Variants in SNAP25 observed in about 807,000 individuals in gnomAD.
SNAP25 encodes synaptosomal-associated protein 25.
In SNAP25, 3 loss-of-function variants were observed where a neutral mutation model predicts 28.7. The observed-to-expected ratio is 0.10, with a 90% CI of 0.05 to 0.27. The LOEUF (loss-of-function observed/expected upper bound fraction) is 0.27, where lower values mean the gene tolerates loss of function less well. SNAP25 is among the 10% of genes least tolerant of loss of function. The probability of loss-of-function intolerance (pLI) is 1.00; values close to 1 mark genes in which losing one functional copy is unlikely to be tolerated. For synonymous variants in SNAP25, 61 were observed against 88.1 expected (o/e 0.69, Z 1.72); for missense variants, 117 against 278.7 (o/e 0.42, Z 4.13).
At chr20:10,241,229 G>C (rs1296500253) in intron 1 of SNAP25, among the ~76,000 whole-genome samples, 1 of 152,156 alleles carries the variant, frequency 6.6e-6, no homozygotes, top group East Asian at 1.9e-4. Flanking sequence ...GGCAGCATCT[G>C]TGTTCTGTGA....
intron 1 of SNAP25, among the ~76,000 whole-genome samples, chr20:10,260,487 T>C (rs2063391435): frequency 6.6e-6 from 1 of 151,850 alleles, no homozygotes; most frequent in Non-Finnish European, 1.5e-5. Flanking sequence ...GTGCATTCCC[T>C]GAACCACCAC....
At chr20:10,230,331 G>A (rs2062807029) in intron 1 of SNAP25, among the ~76,000 whole-genome samples, 1 of 152,100 alleles carries the variant, frequency 6.6e-6, no homozygotes, top group Admixed American at 6.5e-5. Context: ...CCATTTTGTG[G>A]GACAAAGTAG....
At chr20:10,246,704 G>A (rs1417461085) in intron 1 of SNAP25, among the ~76,000 whole-genome samples, 1 of 152,140 alleles carries the variant, frequency 6.6e-6, no homozygotes, top group East Asian at 1.9e-4. Context: ...AGAAAGAATA[G>A]ATGTGCCCTT....
chr20:10,236,612 T>C (rs1019354512), intron 1 of SNAP25, among the ~76,000 whole-genome samples: 34 of 152,044 alleles, frequency 2.2e-4, no homozygotes, highest in African/African-American at 8.0e-4. Flanking sequence ...CTCTGCCCAA[T>C]GAGCACTTTG....
intron 3 of SNAP25, among the ~76,000 whole-genome samples, chr20:10,282,089 C>T (rs1404018734): frequency 6.6e-6 from 1 of 150,592 alleles, no homozygotes; most frequent in African/African-American, 2.4e-5. Context: ...TTTGTCTACC[C>T]GTTATCCTTA....
chr20:10,289,235 GC>G (rs2063946456), intron 4 of SNAP25, among the ~76,000 whole-genome samples: 1 of 152,154 alleles, frequency 6.6e-6, no homozygotes, highest in Non-Finnish European at 1.5e-5. Context: ...AACGTACTGA[GC>G]CCTGGAACTT....
chr20:10,250,287 C>G (rs2063203114), intron 1 of SNAP25, among the ~76,000 whole-genome samples: 1 of 152,218 alleles, frequency 6.6e-6, no homozygotes, highest in Admixed American at 6.5e-5. Flanking sequence ...CAGGGCATTT[C>G]TGAAAGAGCT....
rs767015441 is a variant in SNAP25, at chr20:10,275,468, G to A, written c.-24G>A. On this transcript the variant is annotated 5_prime_UTR_variant, in exon 2 of 8. Transcript: ENST00000254976. ...CCGTCACTGACCCCCCAGCCCAGGC[G>A]CCCAGCCACTCCCCACCGCTACCAT... The A allele has an allele frequency of 3.2e-5, 50 of 1,586,414 alleles. No homozygotes were observed. In the East Asian group the frequency reaches 3.4e-4, roughly 11 times the overall value.
chr20:10,258,327 T>C (rs2063355765), intron 1 of SNAP25, among the ~76,000 whole-genome samples: 1 of 152,218 alleles, frequency 6.6e-6, no homozygotes, highest in Admixed American at 6.5e-5. Context: ...GGCTCTCTCA[T>C]TAATGAGTTA....
In SNAP25 at chr20:10,303,194, T is replaced by C. The variant is rs2064280199; in HGVS notation, c.553-2935T>C. Among the ~76,000 whole-genome samples the C allele has an allele frequency of 2.6e-5, 4 of 152,330 alleles. No individual in the cohort carries two copies. In the South Asian group the frequency reaches 8.3e-4, roughly 32 times the overall value. On this transcript the variant is annotated intron_variant, in intron 7 of 7. Coordinates refer to ENST00000254976, the MANE Select transcript of SNAP25 (RefSeq NM_130811.4). Reference sequence around the variant, plus strand: ...TCCTTTGCACTGAAGTGTCATTATTTCTGATACCATTTGTAGCTGGAAAGG... The same window carrying C: ...TCCTTTGCACTGAAGTGTCATTATTCCTGATACCATTTGTAGCTGGAAAGG...
chr20:10,300,467 T>A lies in SNAP25; in HGVS notation c.552+1055T>A, dbSNP rs569096692. On this transcript the variant is annotated intron_variant, in intron 7 of 7. Transcript: ENST00000254976. ...CAATGTGGGTAACTTATGTTGTGTGTTTATTCCCTGGGAGACGTTGAAGTT... is the reference window on the plus strand; with the variant it reads ...CAATGTGGGTAACTTATGTTGTGTGATTATTCCCTGGGAGACGTTGAAGTT... Among the ~76,000 whole-genome samples, 16 of 152,318 alleles carry A rather than the reference T, an allele frequency of 1.1e-4. No individual in the cohort carries two copies. In the South Asian group the frequency reaches 3.3e-3, roughly 32 times the overall value.
chr20:10,259,619 G>T (rs2063377989), intron 1 of SNAP25, among the ~76,000 whole-genome samples: 1 of 151,874 alleles, frequency 6.6e-6, no homozygotes, highest in Non-Finnish European at 1.5e-5. Flanking sequence ...GCTCACTGCA[G>T]CCTCTAACTC....
intron 1 of SNAP25, among the ~76,000 whole-genome samples, chr20:10,221,385 C>A (rs1467011579): frequency 1.3e-5 from 2 of 152,014 alleles, no homozygotes; most frequent in Non-Finnish European, 2.9e-5. Flanking sequence ...ATCATTGAAC[C>A]ATGAATTTAA....
chr20:10,238,905 AAAT>A (rs199598399), intron 1 of SNAP25, among the ~76,000 whole-genome samples: 61 of 149,344 alleles, frequency 4.1e-4, no homozygotes, highest in Non-Finnish European at 5.9e-4. Context: ...ACTCCGTTTC[AAAT>A]AATAATAATA....
chr20:10,281,815 C>T lies in SNAP25; in HGVS notation c.115-2909C>T, dbSNP rs570897179. Among the ~76,000 whole-genome samples the T allele has an allele frequency of 5.3e-5, 8 of 152,256 alleles. No individual in the cohort carries two copies. The East Asian group carries it at 1.4e-3, about 26-fold the overall frequency. The stretch of plus-strand genomic sequence containing the variant: ...GTCTTATTTCCTGAACTCACGGAGG[C>T]GTCAGCTTCCCATAGAGGTGAACCT... On this transcript the variant is annotated intron_variant, in intron 3 of 7. Coordinates refer to ENST00000254976, the MANE Select transcript of SNAP25 (RefSeq NM_130811.4).
At chr20:10,242,126 T>A (rs2063045180) in intron 1 of SNAP25, among the ~76,000 whole-genome samples, 1 of 152,180 alleles carries the variant, frequency 6.6e-6, no homozygotes, top group South Asian at 2.1e-4. Flanking sequence ...GAGAAGCTGA[T>A]TCTAAGTCTG....
chr20:10,260,536 A>G (rs775680331), intron 1 of SNAP25, among the ~76,000 whole-genome samples: 5 of 152,206 alleles, frequency 3.3e-5, no homozygotes, highest in Non-Finnish European at 7.3e-5. Flanking sequence ...TAGAAATGCA[A>G]ATTGCTAGGC....
At chr20:10,228,893 C>A (rs1370628634) in intron 1 of SNAP25, among the ~76,000 whole-genome samples, 1 of 152,076 alleles carries the variant, frequency 6.6e-6, no homozygotes, top group Non-Finnish European at 1.5e-5. Context: ...GTCTTGGTAT[C>A]ACATATTTTT....
intron 1 of SNAP25, among the ~76,000 whole-genome samples, chr20:10,246,134 A>G (rs1281686874): frequency 6.6e-6 from 1 of 152,220 alleles, no homozygotes; most frequent in African/African-American, 2.4e-5. Context: ...GGCTTCACGG[A>G]GAGCATATTG....
Sources: gnomAD v4.1 joint callset for allele counts (sites outside exome capture counted in the v4.1 genomes callset) on GRCh38, gnomAD v4.1.1 for gene constraint, MANE v1.5 for transcripts, NCBI Gene and HGNC (gene_info 2026-07-23, HGNC 2026-07-21) for gene names.